The following RMST variants were observed in gnomAD, a reference collection of about 807,000 sequenced individuals.
The protein encoded by RMST is long intergenic non-protein coding RNA 54.
At chr12:97,523,874 C>G (rs781590323) in intron 10 of RMST, among the ~76,000 whole-genome samples, 17 of 151,702 alleles carry the variant, frequency 1.1e-4, no homozygotes, top group South Asian at 8.3e-4. Context: ...TCAGGAGATC[C>G]AGACCATCCT....
chr12:97,546,773 A>G (rs1032733236), intron 11 of RMST, among the ~76,000 whole-genome samples: 2 of 152,094 alleles, frequency 1.3e-5, no homozygotes, highest in African/African-American at 2.4e-5. Context: ...GCTAATTAAC[A>G]TATACATTAT....
At chr12:97,523,476 A>G (rs1303771130) in intron 10 of RMST, among the ~76,000 whole-genome samples, 2 of 152,208 alleles carry the variant, frequency 1.3e-5, no homozygotes, top group Non-Finnish European at 2.9e-5. Flanking sequence ...AGGATTTTGA[A>G]TGTTCTCACC....
intron 10 of RMST, among the ~76,000 whole-genome samples, chr12:97,506,700 T>TTG (rs1878710192): frequency 7.4e-6 from 1 of 134,994 alleles, no homozygotes; most frequent in African/African-American, 3.1e-5. Context: ...TTTTTTTTTT[T>TTG]GGAGATGTAG....
intron 11 of RMST, among the ~76,000 whole-genome samples, chr12:97,531,800 C>T (rs1265591753): frequency 6.6e-6 from 1 of 151,864 alleles, no homozygotes; most frequent in Non-Finnish European, 1.5e-5. Flanking sequence ...TTGTCTTTTG[C>T]CCATTACTAT....
At chr12:97,553,881 G>A (rs542411093) in intron 11 of RMST, among the ~76,000 whole-genome samples, 93 of 151,050 alleles carry the variant, frequency 6.2e-4, no homozygotes, top group African/African-American at 2.2e-3. Context: ...GACTAAATGA[G>A]ATGATATATT....
At chr12:97,502,574 C>T (rs1335498679) in intron 10 of RMST, among the ~76,000 whole-genome samples, 1 of 152,204 alleles carries the variant, frequency 6.6e-6, no homozygotes, top group Non-Finnish European at 1.5e-5. Flanking sequence ...AATCCTCCCA[C>T]CTCAGCCTCC....
At chr12:97,524,714 GCCCAAGGT>G in intron 10 of RMST, among the ~76,000 whole-genome samples, 1 of 152,156 alleles carries the variant, frequency 6.6e-6, no homozygotes. Flanking sequence ...CCTCAGGTAT[GCCCAAGGT>G]AGAGTCTGTG....
intron 5 of RMST, among the ~76,000 whole-genome samples, chr12:97,481,205 A>T (rs1268398183): frequency 6.6e-6 from 1 of 152,100 alleles, no homozygotes. Flanking sequence ...CAAGTCACAG[A>T]TACAAGTATC....
chr12:97,482,166 G>C (rs1875376290), intron 5 of RMST, among the ~76,000 whole-genome samples: 1 of 152,168 alleles, frequency 6.6e-6, no homozygotes, highest in South Asian at 2.1e-4. Context: ...ATACATTCCA[G>C]TTTTTAAGTA....
intron 11 of RMST, among the ~76,000 whole-genome samples, chr12:97,534,080 T>G (rs906325965): frequency 8.6e-5 from 13 of 151,784 alleles, no homozygotes; most frequent in African/African-American, 3.1e-4. Flanking sequence ...CTAAGATCTG[T>G]TTGCTGTAAG....
At chr12:97,495,179 G>GC (rs925882422) in intron 9 of RMST, among the ~76,000 whole-genome samples, 6 of 120,202 alleles carry the variant, frequency 5.0e-5, no homozygotes, top group African/African-American at 1.2e-4. Context: ...ATTCTTATGG[G>GC]GGGGGAGCCG....
chr12:97,529,844 T>C (rs929347875), intron 10 of RMST, among the ~76,000 whole-genome samples: 1 of 152,160 alleles, frequency 6.6e-6, no homozygotes, highest in African/African-American at 2.4e-5. Flanking sequence ...ATGATTTCAG[T>C]AGACAGACTT....
At chr12:97,516,494 G>A (rs1486003470) in intron 10 of RMST, among the ~76,000 whole-genome samples, 1 of 151,810 alleles carries the variant, frequency 6.6e-6, no homozygotes, top group Admixed American at 6.6e-5. Context: ...TTGAAAACTT[G>A]ATTCAATGTA....
At chr12:97,517,982 T>G (rs1372004041) in intron 10 of RMST, among the ~76,000 whole-genome samples, 1 of 152,146 alleles carries the variant, frequency 6.6e-6, no homozygotes, top group Non-Finnish European at 1.5e-5. Context: ...TATTACTTAG[T>G]CTCTTAATTT....
chr12:97,483,556 A>G (rs1179451319), intron 5 of RMST: 1 of 152,216 alleles, frequency 6.6e-6, no homozygotes, highest in Non-Finnish European at 1.5e-5. Context: ...TTACAGAACA[A>G]TGTGACCAAC....
intron 3 of RMST, chr12:97,463,017 GTCTCTCTCTC>G (rs140034393): frequency 0.02 from 2,662 of 129,984 alleles, 101 homozygotes; most frequent in African/African-American, 0.066. Flanking sequence ...CAAGTCAGCA[GTCTCTCTCTC>G]TCTCTCTCTC....
At chr12:97,492,523 CAG>C (rs1354236019) in exon 6 of RMST, 1 of 154,600 alleles carries the variant, frequency 6.5e-6, no homozygotes, top group African/African-American at 2.4e-5. Context: ...CCACTCAGCA[CAG>C]AATGGCTGCG....
At chr12:97,491,051 T>C (rs184632186) in intron 5 of RMST, among the ~76,000 whole-genome samples, 4 of 152,360 alleles carry the variant, frequency 2.6e-5, no homozygotes, top group Admixed American at 2.0e-4. Context: ...AGTAAGTGTA[T>C]GTCATAGATA....
intron 10 of RMST, among the ~76,000 whole-genome samples, chr12:97,509,531 A>T (rs1172965903): frequency 6.6e-6 from 1 of 152,122 alleles, no homozygotes; most frequent in Non-Finnish European, 1.5e-5. Context: ...AGGGGAAGTC[A>T]CCTTATAATA....
Sources: gnomAD v4.1 joint callset for allele counts (sites outside exome capture counted in the v4.1 genomes callset) on GRCh38, gnomAD v4.1.1 for gene constraint, MANE v1.5 for transcripts, NCBI Gene and HGNC (gene_info 2026-07-23, HGNC 2026-07-21) for gene names.